Variants in TRPS1 observed in about 807,000 individuals in gnomAD.
TRPS1 encodes the protein zinc finger transcription factor Trps1.
In TRPS1, 6 loss-of-function variants were observed where a neutral mutation model predicts 101.2. The observed-to-expected ratio is 0.06, with a 90% CI of 0.03 to 0.12. TRPS1 has a LOEUF of 0.12. Among genes scored for constraint, TRPS1 ranks in the 10% least tolerant of loss-of-function variants. TRPS1 has a pLI of 1.00. For synonymous variants in TRPS1, 578 were observed against 589.8 expected, an observed-to-expected ratio of 0.98 and a Z score of 0.29; for missense variants, 1,363 against 1,567.0, an observed-to-expected ratio of 0.87 and a Z score of 2.20.
chr8:115,587,644 T>G, intron 4 of TRPS1, 40 bp from the exon 5 acceptor site: 1 of 1,612,996 alleles, frequency 6.2e-7, no homozygotes. Context: ...GACAGCGTTC[T>G]GAAGGGTTGT....
At chr8:115,611,351 T>C (rs1818159512) in intron 3 of TRPS1, among the ~76,000 whole-genome samples, 2 of 152,034 alleles carry the variant, frequency 1.3e-5, no homozygotes, top group Admixed American at 1.3e-4. Flanking sequence ...TCTCCGAAAA[T>C]ATAGAACATC....
chr8:115,567,881 T>C (rs764557986), intron 5 of TRPS1, among the ~76,000 whole-genome samples: 1 of 152,148 alleles, frequency 6.6e-6, no homozygotes, highest in Non-Finnish European at 1.5e-5. Context: ...GCATTCATGA[T>C]ATATCAGGGA....
intron 5 of TRPS1, among the ~76,000 whole-genome samples, chr8:115,495,199 A>G (rs1211680199): frequency 6.6e-6 from 1 of 152,192 alleles, no homozygotes. Flanking sequence ...AAAATCTTTA[A>G]AGCTAAAGGA....
chr8:115,496,747 A>T (rs1815158375), intron 5 of TRPS1, among the ~76,000 whole-genome samples: 3 of 152,190 alleles, frequency 2.0e-5, no homozygotes, highest in Admixed American at 2.0e-4. Context: ...AACTCACTGA[A>T]TTCTGACTTT....
At chr8:115,621,186 G>A (rs1353259797) in intron 2 of TRPS1, among the ~76,000 whole-genome samples, 1 of 152,176 alleles carries the variant, frequency 6.6e-6, no homozygotes, top group South Asian at 2.1e-4. Flanking sequence ...AACAAAGGCT[G>A]GTCGAGGACT....
At chr8:115,528,370 CCT>C (rs1370387149) in intron 5 of TRPS1, among the ~76,000 whole-genome samples, 1 of 152,044 alleles carries the variant, frequency 6.6e-6, no homozygotes, top group African/African-American at 2.4e-5. Flanking sequence ...TTATACGCTA[CCT>C]CTCTTAATCC....
chr8:115,636,093 C>CT (rs138983405), intron 1 of TRPS1, among the ~76,000 whole-genome samples: 75,344 of 151,508 alleles, frequency 0.5, 22,279 homozygotes, highest in African/African-American at 0.83. Context: ...GCCAATCGTC[C>CT]TTTTTTTATC....
At chr8:115,444,422 T>C (rs999462645) in intron 5 of TRPS1, among the ~76,000 whole-genome samples, 1 of 152,264 alleles carries the variant, frequency 6.6e-6, no homozygotes. Flanking sequence ...TGAATCCAAC[T>C]GATGTACGTT....
chr8:115,631,821 G>T (rs956746266), intron 1 of TRPS1, among the ~76,000 whole-genome samples: 1 of 151,930 alleles, frequency 6.6e-6, no homozygotes, highest in Non-Finnish European at 1.5e-5. Context: ...ACCAAATCAC[G>T]ACATCCAAGG....
intron 5 of TRPS1, among the ~76,000 whole-genome samples, chr8:115,534,141 C>A (rs1324382234): frequency 6.6e-6 from 1 of 151,740 alleles, no homozygotes; most frequent in Non-Finnish European, 1.5e-5. Context: ...GAAGCTCTAA[C>A]CCTGATACCA....
At chr8:115,457,523 G>C (rs1187966412) in intron 5 of TRPS1, among the ~76,000 whole-genome samples, 2 of 152,128 alleles carry the variant, frequency 1.3e-5, no homozygotes, top group Non-Finnish European at 2.9e-5. Flanking sequence ...CAGAGTTCTG[G>C]AGATGGATGG....
At chr8:115,583,195 A>T (rs923263560) in intron 5 of TRPS1, among the ~76,000 whole-genome samples, 1 of 152,200 alleles carries the variant, frequency 6.6e-6, no homozygotes, top group Non-Finnish European at 1.5e-5. Flanking sequence ...CTTATTCAGG[A>T]AACAATAAAA....
At chr8:115,500,695 G>A (rs1156495984) in intron 5 of TRPS1, among the ~76,000 whole-genome samples, 1 of 151,892 alleles carries the variant, frequency 6.6e-6, no homozygotes, top group Non-Finnish European at 1.5e-5. Context: ...TCAGCCTCCC[G>A]AGTAGCTGGG....
At chr8:115,663,218 TC>T (rs1811846009) in intron 1 of TRPS1, among the ~76,000 whole-genome samples, 1 of 150,338 alleles carries the variant, frequency 6.7e-6, no homozygotes, top group Non-Finnish European at 1.5e-5. Context: ...GAGCCTTTCT[TC>T]CTCAGGCCAC....
chr8:115,469,629 G>C (rs928431605), intron 5 of TRPS1, among the ~76,000 whole-genome samples: 2 of 142,698 alleles, frequency 1.4e-5, no homozygotes, highest in East Asian at 3.9e-4. Flanking sequence ...CTCCCAAGTA[G>C]CTGGAAGCTC....
At chr8:115,445,977 A>T (rs1241703759) in intron 5 of TRPS1, among the ~76,000 whole-genome samples, 2 of 152,122 alleles carry the variant, frequency 1.3e-5, no homozygotes, top group Admixed American at 6.5e-5. Flanking sequence ...AGTAAATTCA[A>T]TTCTTTCCTG....
intron 1 of TRPS1, among the ~76,000 whole-genome samples, chr8:115,635,608 C>T (rs1196260324): frequency 1.3e-5 from 2 of 151,940 alleles, no homozygotes; most frequent in Non-Finnish European, 2.9e-5. Context: ...GTGACTAATC[C>T]CAGTTTGGTA....
chr8:115,640,260 T>A (rs1375429448), intron 1 of TRPS1, among the ~76,000 whole-genome samples: 1 of 152,216 alleles, frequency 6.6e-6, no homozygotes, highest in South Asian at 2.1e-4. Context: ...TTTCTCCTAA[T>A]ATCCATCTAT....
chr8:115,576,577 C>A (rs1368616576), intron 5 of TRPS1, among the ~76,000 whole-genome samples: 2 of 152,186 alleles, frequency 1.3e-5, no homozygotes, highest in East Asian at 3.9e-4. Flanking sequence ...CAAAGTGAAT[C>A]TAGAACACAA....
Sources: allele counts gnomAD v4.1 joint callset (sites outside exome capture counted in the v4.1 genomes callset), GRCh38; gene constraint gnomAD v4.1.1; transcripts MANE v1.5; gene names NCBI Gene and HGNC (gene_info 2026-07-23, HGNC 2026-07-21).